Variants in PRG3 observed in about 807,000 individuals in gnomAD.
PRG3 encodes the protein proteoglycan 3, pro eosinophil major basic protein 2.
In PRG3, 25 loss-of-function variants were observed where a neutral mutation model predicts 26.1. That is an observed-to-expected ratio of 0.96 (90% CI 0.70 to 1.34). The LOEUF (loss-of-function observed/expected upper bound fraction) is 1.34, where lower values mean the gene tolerates loss of function less well. Among genes scored for constraint, PRG3 ranks in the 40% most tolerant of loss-of-function variants. The pLI, the probability that PRG3 is intolerant of heterozygous loss-of-function variation, is 0.00. For synonymous variants in PRG3, 111 were observed against 100.4 expected (o/e 1.11, Z -0.63); for missense variants, 280 against 264.8 (o/e 1.06, Z -0.40).
In PRG3 at chr11:57,380,713, A is replaced by T. The variant is rs765246313; in HGVS notation, c.-5T>A. 7 of 1,542,264 alleles carry T rather than the reference A, an allele frequency of 4.5e-6. No individual in the cohort carries two copies. The Admixed American group carries it at 1.3e-4, about 29-fold the overall frequency. On this transcript the variant is annotated 5_prime_UTR_variant, in exon 2 of 6. Transcript: ENST00000287143. ...CAGGAGCAAGAGGCATTGCATATCT[A>T]CTGTCTTTTAGCGAGGACACTACTC...
chr11:57,380,108 C>G (rs773791399), intron 2 of PRG3, among the ~76,000 whole-genome samples: 2 of 152,150 alleles, frequency 1.3e-5, no homozygotes, highest in Non-Finnish European at 2.9e-5. Flanking sequence ...TCTGAAAGTT[C>G]AGGTTACAGT....
intron 3 of PRG3, 149 bp from the exon 4 acceptor site, chr11:57,378,961 A>G: frequency 1.2e-6 from 1 of 834,990 alleles, no homozygotes; most frequent in Non-Finnish European, 1.9e-6. Flanking sequence ...AGCTGTCAGG[A>G]CAATCCTACA....
At chr11:57,379,456 T>C in intron 3 of PRG3, 38 bp downstream of exon 3, 1 of 1,531,510 alleles carries the variant, frequency 6.5e-7, no homozygotes, top group Admixed American at 1.9e-5. Flanking sequence ...TACTCTCTTT[T>C]CCCCCAGGTC....
rs1245786383 is a variant in PRG3 at position 57,376,828 on chromosome 11, G to C, written c.*22C>G. 1.2e-6 allele frequency: 2 copies of C among 1,611,804 alleles called. No homozygotes were observed. On this transcript the variant is annotated 3_prime_UTR_variant, in exon 6 of 6. Coordinates refer to ENST00000287143, the MANE Select transcript of PRG3 (RefSeq NM_006093.4). ...GTTGGGGGACGGGAGGGAGCTGCTG[G>C]CAGGGTCTCCGTGCCGCTGGCTTAG...
Position 57,379,560 on chromosome 11 carries a change from T to G in PRG3, c.309A>C (p.Gly103=), listed in dbSNP as rs373472504. 5.0e-6 allele frequency: 8 copies of G among 1,613,636 alleles called. No individual in the cohort carries two copies. In the African/African-American group the frequency reaches 8.0e-5, roughly 16 times the overall value. The stretch of plus-strand genomic sequence containing the variant: ...AGCGGCAGATCTTGCACCTTGGACT[T>G]CCCTGCACTTCAACAATGTCTTCTT... ...PREEDIVEVQ[G]SPRCKICRYL... The change falls in exon 3 of 6, where the codon GGA becomes GGC. Residue 103 remains glycine, a synonymous_variant. Coordinates refer to ENST00000287143, the MANE Select transcript of PRG3 (RefSeq NM_006093.4).
intron 2 of PRG3, 67 bp downstream of exon 2, chr11:57,380,581 G>T: frequency 5.1e-6 from 7 of 1,383,716 alleles, no homozygotes; most frequent in Non-Finnish European, 2.9e-6. Flanking sequence ...AATAAAAGCG[G>T]GGGGAGGGGA....
chr11:57,379,887 G>A, intron 2 of PRG3, 80 bp from the exon 3 acceptor site: 2 of 1,322,818 alleles, frequency 1.5e-6, no homozygotes, highest in Non-Finnish European at 2.1e-6. Flanking sequence ...AACGTCGCTC[G>A]AGCTTTCCTA....
chr11:57,379,913 G>C (rs939873530), intron 2 of PRG3, 106 bp from the exon 3 acceptor site: 18 of 1,037,552 alleles, frequency 1.7e-5, no homozygotes, highest in Non-Finnish European at 1.8e-5. Context: ...TCCACCTGAA[G>C]ACAAGACTGG....
intron 3 of PRG3, 114 bp downstream of exon 3, chr11:57,379,380 G>T (rs1856975178): frequency 9.2e-7 from 1 of 1,090,080 alleles, no homozygotes; most frequent in South Asian, 1.6e-5. Context: ...AACTCCAGGT[G>T]ATTCTGATGC....
chr11:57,379,718 C>A lies in PRG3; in HGVS notation c.151G>T (p.Ala51Ser), dbSNP rs146626344. 59 of 1,613,898 alleles carry A rather than the reference C, an allele frequency of 3.7e-5. 1 individual carries two copies. The African/African-American group carries it at 5.7e-4, about 16-fold the overall frequency. ...GCCTGAATCACCTCCTCCGTCAGAG[C>A]CAAGTCTCTCTCCTGCTCCTTTGAA... ...DSSKEQERDL[A>S]LTEEVIQAEG... is the part of the protein sequence containing the mutation. The change falls in exon 3 of 6, where the codon GCT (alanine) becomes TCT (serine). Residue 51 changes from alanine to serine, a missense_variant. Coordinates refer to ENST00000287143, the MANE Select transcript of PRG3 (RefSeq NM_006093.4).
In PRG3 at chr11:57,380,799, G is replaced by C. The variant is rs1856994346; in HGVS notation, c.-73-18C>G. ...TATAGCCCCTGGCACATAGTATAGAGGGAATATTTGTTTAATTGTTTGATT... is the reference window on the plus strand; with the variant it reads ...TATAGCCCCTGGCACATAGTATAGACGGAATATTTGTTTAATTGTTTGATT... On this transcript the variant is annotated intron_variant, in intron 1 of 5. Coordinates refer to ENST00000287143, the MANE Select transcript of PRG3 (RefSeq NM_006093.4). 3.4e-6 allele frequency: 3 copies of C among 878,014 alleles called. No individual in the cohort carries two copies. The highest frequency in any genetic ancestry group is 4.5e-4 in the Middle Eastern group (2 of 4,436). 54.4% of individuals were successfully genotyped at this position (878,014 alleles called of 1,614,324 possible).
intron 4 of PRG3, 65 bp downstream of exon 4, chr11:57,378,616 A>G: frequency 1.9e-6 from 3 of 1,583,264 alleles, no homozygotes; most frequent in Non-Finnish European, 2.6e-6. Context: ...GCTTGGCACC[A>G]TCAGATGCTA....
intron 4 of PRG3, among the ~76,000 whole-genome samples, chr11:57,378,174 G>A (rs1856962131): frequency 6.6e-6 from 1 of 152,134 alleles, no homozygotes; most frequent in Non-Finnish European, 1.5e-5. Context: ...CCATACTGCT[G>A]ATCTATGGAC....
chr11:57,380,779 C>T lies in PRG3; in HGVS notation c.-71G>A. 1 of 1,086,474 alleles carries T rather than the reference C, an allele frequency of 9.2e-7. No homozygotes were observed. Among genetic ancestry groups the T allele is most frequent in the Non-Finnish European group, 1.3e-6 (1 of 774,102 alleles). 67.3% of individuals were successfully genotyped at this position (1,086,474 alleles called of 1,614,324 possible). A position where few individuals can be genotyped will look rare whatever the true frequency, so the allele number is the denominator to read the frequency against. ...GGCTGTCTTTGTGTGTCTAGTATAG[C>T]CCCTGGCACATAGTATAGAGGGAAT... is the stretch of plus-strand genomic sequence containing the variant. On this transcript the variant is annotated splice_region_variant and 5_prime_UTR_variant, in exon 2 of 6. Transcript: ENST00000287143.
At chr11:57,380,856 C>A in intron 1 of PRG3, 75 bp from the exon 2 acceptor site, 1 of 557,194 alleles carries the variant, frequency 1.8e-6, no homozygotes, top group Non-Finnish European at 3.0e-6. Context: ...TCTCCTCTTG[C>A]CATGAACAGA....
In PRG3 at chr11:57,376,771, C is replaced by T; in HGVS notation, c.*79G>A. 1 of 1,459,314 alleles carries T rather than the reference C, an allele frequency of 6.9e-7. No individual in the cohort carries two copies. The highest frequency in any genetic ancestry group is 9.6e-7 in the Non-Finnish European group (1 of 1,045,150). The allele number at this position is 1,459,314 out of a possible 1,614,324, so 90.4% of individuals were successfully genotyped here. The stretch of plus-strand genomic sequence containing the variant: ...ATAAAGAAACGAGAGTCAGGAAATG[C>T]TGTGGGAAGTCTGGATTTATGAGCA... On this transcript the variant is annotated 3_prime_UTR_variant, in exon 6 of 6. Coordinates refer to ENST00000287143, the MANE Select transcript of PRG3 (RefSeq NM_006093.4).
chr11:57,378,904 A>G, intron 3 of PRG3, 92 bp from the exon 4 acceptor site: 2 of 1,479,166 alleles, frequency 1.4e-6, no homozygotes, highest in Non-Finnish European at 9.3e-7. Context: ...TTCAGGTTAA[A>G]AATAAACCTA....
At chr11:57,378,533 C>T (rs1473894950) in intron 4 of PRG3, 148 bp downstream of exon 4, 6 of 1,052,524 alleles carry the variant, frequency 5.7e-6, no homozygotes, top group Non-Finnish European at 8.3e-6. Flanking sequence ...CATCAGTTCT[C>T]CTGAGCCAGT....
chr11:57,379,461 C>T (rs776877526), intron 3 of PRG3, 33 bp downstream of exon 3: 1 of 1,548,978 alleles, frequency 6.5e-7, no homozygotes, highest in Non-Finnish European at 8.7e-7. Context: ...TCTTTTCCCC[C>T]AGGTCCTCCG....
Sources: gnomAD v4.1 joint callset for allele counts (sites outside exome capture counted in the v4.1 genomes callset) on GRCh38, gnomAD v4.1.1 for gene constraint, MANE v1.5 for transcripts, NCBI Gene and HGNC (gene_info 2026-07-23, HGNC 2026-07-21) for gene names.